Variants in NCOA7 observed in about 807,000 individuals in gnomAD.
NCOA7 encodes the protein nuclear receptor coactivator 7.
In NCOA7, 45 loss-of-function variants were observed where a neutral mutation model predicts 104.3. That is an observed-to-expected ratio of 0.43 (90% CI 0.34 to 0.55). The LOEUF is 0.55. Among genes scored for constraint, NCOA7 ranks in the 20% least tolerant of loss-of-function variants. The pLI is 0.02. For missense variants in NCOA7, 1,041 were observed against 1,119.7 expected (o/e 0.93, Z 1.00); for synonymous variants, 398 against 402.3 (o/e 0.99, Z 0.13).
chr6:125,930,248 T>A lies in NCOA7; in HGVS notation c.*1477T>A, dbSNP rs1400634864. The A allele has an allele frequency of 6.6e-6, 1 of 152,274 alleles. No homozygotes were observed. The highest frequency in any genetic ancestry group is 1.9e-4 in the East Asian group (1 of 5,182). 9.4% of individuals were successfully genotyped at this position (152,274 alleles called of 1,614,324 possible). A position where few individuals can be genotyped will look rare whatever the true frequency, so the allele number is the denominator to read the frequency against. On this transcript the variant is annotated 3_prime_UTR_variant, in exon 16 of 16. Transcript: ENST00000392477. ...GGCGGGCACCTGTAATCCCACCTAC[T>A]CGGGAGGCTGAGGCAGGAGAATTGC...
At chr6:125,833,442 G>A (rs1463621956) in intron 2 of NCOA7, among the ~76,000 whole-genome samples, 3 of 151,966 alleles carry the variant, frequency 2.0e-5, no homozygotes, top group African/African-American at 7.3e-5. Context: ...AAAAATTAGC[G>A]AGGTGTGACA....
chr6:125,806,912 A>G (rs530290086), intron 1 of NCOA7, among the ~76,000 whole-genome samples: 2 of 152,340 alleles, frequency 1.3e-5, no homozygotes, highest in East Asian at 3.9e-4. Flanking sequence ...TGAAGGGCGT[A>G]TAATAAAATG....
rs748665764 is a variant in NCOA7 at position 125,921,098 on chromosome 6, G to T, written c.2370+30G>T. The T allele has an allele frequency of 5.0e-6, 8 of 1,605,770 alleles. No individual in the cohort carries two copies. In the African/African-American group the frequency reaches 5.3e-5, roughly 11 times the overall value. On this transcript the variant is annotated intron_variant, in intron 12 of 15. Coordinates refer to ENST00000392477, the MANE Select transcript of NCOA7 (RefSeq NM_181782.5). ...GCTCGCCCTGGCCACCAAGGGTGGG[G>T]GTTCCTAGGCTTTAAGAAATATTTC...
upstream of NCOA7, among the ~76,000 whole-genome samples, chr6:125,789,455 A>G (rs1774636344): frequency 6.6e-6 from 1 of 152,236 alleles, no homozygotes; most frequent in African/African-American, 2.4e-5. Context: ...TCATCAAAGA[A>G]CTGTGAGAGC....
At position 125,922,785 on chromosome 6, in the gene NCOA7, C is replaced by T; in HGVS notation, c.2474C>T (p.Ala825Val). Residue 825 changes from alanine (A) to valine (V), a missense_variant, in exon 13 of 16, where the codon GCA (alanine) becomes GTA (valine). This residue lies in a region of NCOA7 where 127 missense variants were observed against 177.0 expected (regional missense o/e 0.72). Transcript: ENST00000392477. ...TSLKTLYRKSASLDSPVLLVI... is the reference protein window; with the variant it reads ...TSLKTLYRKSVSLDSPVLLVI... Reference sequence around the variant, plus strand: ...TTAAAGACGCTCTACCGGAAATCGGCATCACTAGACAGTCCTGTCCTATTG... The same window carrying T: ...TTAAAGACGCTCTACCGGAAATCGGTATCACTAGACAGTCCTGTCCTATTG... 1.2e-6 allele frequency: 2 copies of T among 1,614,158 alleles called. No homozygotes were observed. The highest frequency in any genetic ancestry group is 8.5e-7 in the Non-Finnish European group (1 of 1,180,020).
upstream of NCOA7, among the ~76,000 whole-genome samples, chr6:125,787,930 T>C (rs951331601): frequency 2.6e-5 from 4 of 152,238 alleles, no homozygotes; most frequent in African/African-American, 9.6e-5. Context: ...CCATTCTTTA[T>C]GGATAAAGCA....
chr6:125,783,784 CT>C (rs1205455310), intron 1 of NCOA7, among the ~76,000 whole-genome samples: 1 of 152,082 alleles, frequency 6.6e-6, no homozygotes, highest in East Asian at 1.9e-4. Flanking sequence ...CTTTAATTTC[CT>C]TTTTAAATTT....
intron 11 of NCOA7, chr6:125,919,459 A>G: frequency 6.2e-7 from 1 of 1,607,030 alleles, no homozygotes; most frequent in Non-Finnish European, 8.5e-7. Flanking sequence ...CCGAGGGCTA[A>G]TAAGGTGCTG....
chr6:125,820,814 A>G lies in NCOA7; in HGVS notation c.50+5410A>G, dbSNP rs78521265. ...TAACGACAATCCAAATTGGAACCATATCATTTCCCAAAGATACTTTGCTAT... is the reference window on the plus strand; with the variant it reads ...TAACGACAATCCAAATTGGAACCATGTCATTTCCCAAAGATACTTTGCTAT... On this transcript the variant is annotated intron_variant, in intron 2 of 15. Coordinates refer to ENST00000392477, the MANE Select transcript of NCOA7 (RefSeq NM_181782.5). 6.6e-3 allele frequency among the ~76,000 whole-genome samples: 1,004 copies of G among 152,304 alleles called. 14 individuals are homozygous for G. The highest frequency in any genetic ancestry group is 0.023 in the African/African-American group (960 of 41,532).
At chr6:125,795,364 C>T (rs999284814) in intron 1 of NCOA7, among the ~76,000 whole-genome samples, 2 of 152,058 alleles carry the variant, frequency 1.3e-5, no homozygotes, top group Admixed American at 1.3e-4. Context: ...AGGTAGTATC[C>T]TCATGGTTCA....
At chr6:125,805,474 A>T (rs1003744059) in intron 1 of NCOA7, among the ~76,000 whole-genome samples, 4 of 152,036 alleles carry the variant, frequency 2.6e-5, no homozygotes, top group Non-Finnish European at 4.4e-5. Context: ...GTAATAGCCC[A>T]CCCTTACAGG....
At chr6:125,788,629 G>T (rs1323397163), upstream of NCOA7, among the ~76,000 whole-genome samples, 7 of 150,436 alleles carry the variant, frequency 4.7e-5, no homozygotes, top group Non-Finnish European at 1.0e-4. Context: ...TCTGCATCCC[G>T]GTTTCTAGTG....
At chr6:125,791,512 C>T (rs889582480) in intron 1 of NCOA7, among the ~76,000 whole-genome samples, 3 of 152,190 alleles carry the variant, frequency 2.0e-5, no homozygotes. Context: ...ATGTAGAAGT[C>T]GCTGTGGATT....
Position 125,874,528 on chromosome 6 carries a change from ACATATTGCCAAAT to A in NCOA7, c.272-358_272-346del, listed in dbSNP as rs1339483493. 6.6e-5 allele frequency among the ~76,000 whole-genome samples: 10 copies of A among 152,312 alleles called. No individual in the cohort carries two copies. In the South Asian group the frequency reaches 2.1e-3, roughly 32 times the overall value. On this transcript the variant is annotated intron_variant, in intron 3 of 15. Transcript: ENST00000392477. ...AATGAACTTTTCTATGGCTATTGTT[ACATATTGCCAAAT>A]CACTTTCTAAAAGGACTGTACTCAT...
Position 125,859,075 on chromosome 6 carries a change from T to A in NCOA7, c.271+3835T>A, listed in dbSNP as rs542077453. ...GGAGAATGTCAAGGGAAAAGGAAAT[T>A]CTTTACTTTTTGTTTGCTCTACATT... On this transcript the variant is annotated intron_variant, in intron 3 of 15. Transcript: ENST00000392477. 2.0e-4 allele frequency among the ~76,000 whole-genome samples: 30 copies of A among 152,238 alleles called. No individual in the cohort carries two copies. In the South Asian group the frequency reaches 6.2e-3, roughly 32 times the overall value.
intron 1 of NCOA7, among the ~76,000 whole-genome samples, chr6:125,782,542 A>G (rs1038119033): frequency 2.6e-5 from 4 of 152,158 alleles, no homozygotes; most frequent in Admixed American, 2.6e-4. Context: ...CCTTGCATTT[A>G]GTTGTCACGT....
chr6:125,879,221 C>T (rs1239143519), intron 5 of NCOA7, among the ~76,000 whole-genome samples: 1 of 152,158 alleles, frequency 6.6e-6, no homozygotes, highest in Admixed American at 6.5e-5. Flanking sequence ...ATTGAAGATG[C>T]TATAAAAGGC....
chr6:125,803,083 C>T (rs992088190), intron 1 of NCOA7, among the ~76,000 whole-genome samples: 7 of 152,166 alleles, frequency 4.6e-5, no homozygotes, highest in African/African-American at 1.7e-4. Flanking sequence ...TGAGTGTGCT[C>T]TGATAGAGAA....
chr6:125,911,448 A>G (rs962804397), intron 10 of NCOA7, among the ~76,000 whole-genome samples: 18 of 152,202 alleles, frequency 1.2e-4, no homozygotes, highest in Non-Finnish European at 5.9e-5. Flanking sequence ...TGAGCAAGGC[A>G]CTTGCAGGCT....
Sources: allele counts gnomAD v4.1 joint callset (sites outside exome capture counted in the v4.1 genomes callset), GRCh38; gene constraint gnomAD v4.1.1; regional missense constraint gnomAD v4.1.1; transcripts MANE v1.5; gene names NCBI Gene and HGNC (gene_info 2026-07-23, HGNC 2026-07-21).